Variants in PAFAH2 observed in about 807,000 individuals in gnomAD.
PAFAH2 encodes platelet-activating factor acetylhydrolase 2, cytoplasmic.
PAFAH2 carries 42 observed loss-of-function variants against 49.0 expected under a neutral mutation model. The observed-to-expected ratio is 0.86, with a 90% CI of 0.67 to 1.11. PAFAH2 has a LOEUF of 1.11. PAFAH2 is among the 50% of genes least tolerant of loss of function. The pLI, the probability that PAFAH2 is intolerant of heterozygous loss-of-function variation, is 0.00. For missense variants in PAFAH2, 503 were observed against 501.8 expected (o/e 1.00, Z -0.02); for synonymous variants, 184 against 181.3 (o/e 1.01, Z -0.12).
In PAFAH2 at chr1:25,972,562, G is replaced by A. The variant is rs750907823; in HGVS notation, c.1080C>T (p.His360=). The change falls in exon 10 of 11, where the codon CAC becomes CAT. Residue 360 remains histidine (H), a synonymous_variant. Coordinates refer to ENST00000374282, the MANE Select transcript of PAFAH2 (RefSeq NM_000437.4). ...GAGCCCCAGTTTTCTCCTTACCGAG[G>A]TGCTTCTGCAGGAAGGCCAACATGG... ...VRAMLAFLQK[H]LDLKEDYNQW... 6.2e-7 allele frequency: 1 copy of A among 1,613,420 alleles called. No homozygotes were observed. Among genetic ancestry groups the A allele is most frequent in the Non-Finnish European group, 8.5e-7 (1 of 1,179,536 alleles).
chr1:25,994,872 G>C (rs2049918711), intron 1 of PAFAH2, among the ~76,000 whole-genome samples: 1 of 152,066 alleles, frequency 6.6e-6, no homozygotes, highest in African/African-American at 2.4e-5. Flanking sequence ...TAAATTGTTT[G>C]GAAATAAAAA....
chr1:25,984,328 T>C, intron 5 of PAFAH2, 132 bp downstream of exon 5: 3 of 809,910 alleles, frequency 3.7e-6, no homozygotes, highest in Non-Finnish European at 5.9e-6. Context: ...AACCTTGGTT[T>C]TCTCTCCTTT....
intron 10 of PAFAH2, among the ~76,000 whole-genome samples, chr1:25,969,883 C>T (rs2049481793): frequency 6.6e-6 from 1 of 152,060 alleles, no homozygotes; most frequent in Non-Finnish European, 1.5e-5. Context: ...CAGTCAGGCG[C>T]CATTAAAGTC....
chr1:25,974,771 G>A (rs560738427), intron 8 of PAFAH2, 121 bp from the exon 9 acceptor site: 5 of 813,974 alleles, frequency 6.1e-6, no homozygotes, highest in East Asian at 2.8e-5. Flanking sequence ...AGCCAGGAGG[G>A]GGGTACCAGG....
At chr1:25,983,819 G>C in intron 6 of PAFAH2, 127 bp downstream of exon 6, 1 of 1,027,232 alleles carries the variant, frequency 9.7e-7, no homozygotes, top group Non-Finnish European at 1.5e-6. Flanking sequence ...TATTTCCACT[G>C]ATGTGGCAAA....
At position 25,982,475 on chromosome 1, in the gene PAFAH2, C is replaced by T. The variant is rs150465206; in HGVS notation, c.555G>A (p.Val185=). ...GTAAACACTCGCTTACCCGCTGATG[C>T]ACCTGCAACAGAGACAGTCCCAGTG... ...EKEFHVRNPQ[V]HQRVSECLRV... The change falls in exon 7 of 11, where the codon GTG becomes GTA. Residue 185 remains valine (V), a splice_region_variant and synonymous_variant. Coordinates refer to ENST00000374282, the MANE Select transcript of PAFAH2 (RefSeq NM_000437.4). 102 of 1,610,628 alleles carry T rather than the reference C, an allele frequency of 6.3e-5. No homozygotes were observed. The African/African-American group carries it at 1.2e-3, about 20-fold the overall frequency.
Position 25,974,632 on chromosome 1 carries a change from A to T in PAFAH2, c.777T>A (p.Asp259Glu). The T allele has an allele frequency of 6.2e-7, 1 of 1,613,802 alleles. No homozygotes were observed. The highest frequency in any genetic ancestry group is 8.5e-7 in the Non-Finnish European group (1 of 1,179,844). ...ETQFRCAVAL[D>E]AWMFPLERDF... is the part of the protein sequence containing the mutation. ...CACGTTCCAGAGGAAACATCCAAGC[A>T]TCCAGAGCCACCGCACACCTGGAAT... Residue 259 changes from aspartate (D) to glutamate (E), a missense_variant, in exon 9 of 11, where the codon GAT (aspartate) becomes GAA (glutamate). By Grantham distance (45) the Asp-to-Glu change is conservative. Coordinates refer to ENST00000374282, the MANE Select transcript of PAFAH2 (RefSeq NM_000437.4).
intron 1 of PAFAH2, among the ~76,000 whole-genome samples, chr1:25,996,483 A>T (rs1017653769): frequency 6.6e-6 from 1 of 152,184 alleles, no homozygotes; most frequent in Admixed American, 6.5e-5. Flanking sequence ...ACTAAAAAAA[A>T]TACAAAATAT....
rs1309100354 is a variant in PAFAH2, at chr1:25,984,853, T to C, written c.342-325A>G. ...CAGAGCCAGAGAGATTTCTTTTTTTTTTTTTTTTTTTTTGAGACAGAGTCT... is the reference window on the plus strand; with the variant it reads ...CAGAGCCAGAGAGATTTCTTTTTTTCTTTTTTTTTTTTTGAGACAGAGTCT... On this transcript the variant is annotated intron_variant, in intron 4 of 10. Transcript: ENST00000374282. Among the ~76,000 whole-genome samples the C allele has an allele frequency of 8.2e-5, 12 of 146,592 alleles. No individual in the cohort carries two copies. In the East Asian group the frequency reaches 2.4e-3, roughly 29 times the overall value.
chr1:25,976,631 T>C (rs1468666426), intron 8 of PAFAH2, 51 bp downstream of exon 8: 3 of 1,298,022 alleles, frequency 2.3e-6, no homozygotes, highest in East Asian at 2.3e-5. Context: ...ACTTTCTAAA[T>C]GAATAAACGG....
rs1260785787 is a variant in PAFAH2 at position 25,961,370 on chromosome 1, A to G, written c.*619T>C. On this transcript the variant is annotated 3_prime_UTR_variant, in exon 11 of 11. Transcript: ENST00000374282. ...TGCTGTGAGAGCCATGCTGTCTGCC[A>G]CTCTGTGGGCTCACAAGTATAACTT... 1 of 151,988 alleles carries G rather than the reference A, an allele frequency of 6.6e-6. No individual in the cohort carries two copies. The highest frequency in any genetic ancestry group is 1.9e-4 in the East Asian group (1 of 5,176). The allele number at this position is 151,988 out of a possible 1,614,324, so 9.4% of individuals were successfully genotyped here.
At chr1:25,962,977 C>T (rs2049361594) in intron 10 of PAFAH2, among the ~76,000 whole-genome samples, 1 of 152,096 alleles carries the variant, frequency 6.6e-6, no homozygotes, top group Non-Finnish European at 1.5e-5. Flanking sequence ...CATCATGGAG[C>T]AGCGAAACTC....
chr1:25,986,325 C>T (rs1187029402), intron 4 of PAFAH2, among the ~76,000 whole-genome samples: 1 of 152,084 alleles, frequency 6.6e-6, no homozygotes, highest in African/African-American at 2.4e-5. Flanking sequence ...GTGAATAGTC[C>T]AGGCAAAAAG....
At chr1:25,988,151 G>T in intron 4 of PAFAH2, 80 bp downstream of exon 4, 2 of 836,190 alleles carry the variant, frequency 2.4e-6, no homozygotes, top group Non-Finnish European at 3.8e-6. Flanking sequence ...TCTTTTTTTT[G>T]CCCTTTGAGA....
In PAFAH2 at chr1:25,984,084, G is replaced by A. The variant is rs372870275; in HGVS notation, c.414C>T (p.Asp138=). 3.7e-6 allele frequency: 6 copies of A among 1,613,792 alleles called. No homozygotes were observed. The highest frequency in any genetic ancestry group is 5.1e-6 in the Non-Finnish European group (6 of 1,179,912). Residue 138 remains aspartate, a synonymous_variant, in exon 6 of 11, where the codon GAC becomes GAT. Coordinates refer to ENST00000374282, the MANE Select transcript of PAFAH2 (RefSeq NM_000437.4). ...AGAAATAGGTGGTTGCCGCTGACCG[G>A]TCCCTGAAATACACACATCATCAGA... ...GFVVAVPEHR[D]RSAATTYFCK...
chr1:25,974,402 G>A lies in PAFAH2; in HGVS notation c.929+78C>T, dbSNP rs536352911. ...CCTACTAATGGGTAGAAAGTTTTGG[G>A]TAATCCAGAAGTTAAGGGCACCACA... On this transcript the variant is annotated intron_variant, in intron 9 of 10. Transcript: ENST00000374282. 4.8e-6 allele frequency: 6 copies of A among 1,256,918 alleles called. No homozygotes were observed. The South Asian group carries it at 1.0e-4, about 22-fold the overall frequency. The allele number at this position is 1,256,918 out of a possible 1,614,324, so 77.9% of individuals were successfully genotyped here. A position where few individuals can be genotyped will look rare whatever the true frequency, so the allele number is the denominator to read the frequency against.
At chr1:25,987,355 C>G (rs1338676355) in intron 4 of PAFAH2, among the ~76,000 whole-genome samples, 2 of 152,158 alleles carry the variant, frequency 1.3e-5, no homozygotes, top group East Asian at 1.9e-4. Flanking sequence ...AAAACAGATG[C>G]CTTTGAGATG....
rs2049943652 is a variant in PAFAH2 at position 25,996,818 on chromosome 1, C to CT, written c.-48+1206dup. On this transcript the variant is annotated intron_variant, in intron 1 of 10. Coordinates refer to ENST00000374282, the MANE Select transcript of PAFAH2 (RefSeq NM_000437.4). ...GATACTTCGTAAGTGAAAATATTGC[C>CT]TAGGGCCTGGTGCATTTTCAGTGCT... Among the ~76,000 whole-genome samples, 3 of 152,298 alleles carry CT rather than the reference C, an allele frequency of 2.0e-5. No homozygotes were observed. The South Asian group carries it at 6.2e-4, about 32-fold the overall frequency.
intron 1 of PAFAH2, among the ~76,000 whole-genome samples, chr1:25,994,260 G>A (rs1315897377): frequency 6.6e-6 from 1 of 151,832 alleles, no homozygotes; most frequent in Non-Finnish European, 1.5e-5. Flanking sequence ...CTCCTGGGTG[G>A]CTGGGACTAT....
Sources: gnomAD v4.1 joint callset for allele counts (sites outside exome capture counted in the v4.1 genomes callset) on GRCh38, gnomAD v4.1.1 for gene constraint, MANE v1.5 for transcripts, NCBI Gene and HGNC (gene_info 2026-07-23, HGNC 2026-07-21) for gene names.